RGS6: variants seen among roughly 807,000 people sequenced by gnomAD.
RGS6 encodes regulator of G protein signaling 6.
In RGS6, 30 loss-of-function variants were observed where a neutral mutation model predicts 78.5. The observed-to-expected ratio is 0.38, with a 90% CI of 0.29 to 0.52. RGS6 has a LOEUF of 0.52. Ranked by LOEUF, RGS6 falls within the 20% of genes least tolerant of loss-of-function variation. The pLI, the probability that RGS6 is intolerant of heterozygous loss-of-function variation, is 0.85. For missense variants in RGS6, 495 were observed against 609.7 expected (o/e 0.81, Z 1.98); for synonymous variants, 206 against 206.0 (o/e 1.00, Z 0.00).
intron 2 of RGS6, among the ~76,000 whole-genome samples, chr14:72,162,801 T>TAC (rs751329498): frequency 1.9e-4 from 29 of 152,022 alleles, no homozygotes; most frequent in Admixed American, 9.2e-4. Context: ...CATATATATA[T>TAC]ACACACACAC....
chr14:72,447,024 C>A (rs2095382513), intron 3 of RGS6, among the ~76,000 whole-genome samples: 1 of 152,110 alleles, frequency 6.6e-6, no homozygotes, highest in African/African-American at 2.4e-5. Flanking sequence ...GGCTGAGGAC[C>A]CCTGAGCTAG....
intron 3 of RGS6, among the ~76,000 whole-genome samples, chr14:72,386,710 C>A (rs142620591): frequency 4.6e-5 from 7 of 152,212 alleles, no homozygotes; most frequent in Admixed American, 2.0e-4. Flanking sequence ...TCCACTGCAC[C>A]ATCCTATTAT....
At chr14:71,884,586 G>A in the RGS6 span, among the ~76,000 whole-genome samples, 4 of 152,124 alleles carry the variant, frequency 2.6e-5, no homozygotes, top group Non-Finnish European at 5.9e-5. Context: ...GTCAAGGGTG[G>A]ATTTTATAAC....
At chr14:72,161,412 T>C (rs1042262493) in intron 2 of RGS6, among the ~76,000 whole-genome samples, 4 of 151,408 alleles carry the variant, frequency 2.6e-5, no homozygotes, top group Admixed American at 1.3e-4. Context: ...AAAGAGGAGG[T>C]GATGGTAATA....
intron 2 of RGS6, among the ~76,000 whole-genome samples, chr14:72,001,799 G>A (rs939553193): frequency 3.3e-5 from 5 of 149,952 alleles, no homozygotes; most frequent in Non-Finnish European, 7.4e-5. Context: ...CCTAAGTTAC[G>A]TTTCTCTGGA....
At chr14:72,021,953 C>G (rs1357762248) in intron 2 of RGS6, among the ~76,000 whole-genome samples, 8 of 151,944 alleles carry the variant, frequency 5.3e-5, no homozygotes, top group Non-Finnish European at 8.8e-5. Context: ...AAGTAGACCC[C>G]AGTGTCTGCT....
chr14:72,438,332 C>T (rs2153194265), intron 3 of RGS6, among the ~76,000 whole-genome samples: 1 of 152,240 alleles, frequency 6.6e-6, no homozygotes, highest in Middle Eastern at 3.4e-3. Flanking sequence ...CTCATCCAGC[C>T]TCGCTGCCTG....
At chr14:72,447,369 T>G (rs1288894350) in intron 3 of RGS6, among the ~76,000 whole-genome samples, 7 of 152,116 alleles carry the variant, frequency 4.6e-5, no homozygotes. Context: ...ACCAGACTAG[T>G]AGAGTTGTCC....
At chr14:72,255,313 A>T (rs1284486587) in intron 2 of RGS6, among the ~76,000 whole-genome samples, 3 of 152,084 alleles carry the variant, frequency 2.0e-5, no homozygotes, top group African/African-American at 7.2e-5. Context: ...AAGTGGTGGG[A>T]GTTTAAACTA....
At chr14:72,381,318 A>G (rs1566677895) in intron 3 of RGS6, among the ~76,000 whole-genome samples, 1 of 152,122 alleles carries the variant, frequency 6.6e-6, no homozygotes, top group Non-Finnish European at 1.5e-5. Context: ...CAACACAAAA[A>G]AAGATAAATG....
intron 3 of RGS6, among the ~76,000 whole-genome samples, chr14:72,441,603 T>G (rs2095204878): frequency 6.6e-6 from 1 of 152,254 alleles, no homozygotes; most frequent in African/African-American, 2.4e-5. Context: ...CACAAGCCTT[T>G]GACTTCCTCC....
At chr14:72,120,296 T>A (rs2096014310) in intron 2 of RGS6, among the ~76,000 whole-genome samples, 1 of 152,196 alleles carries the variant, frequency 6.6e-6, no homozygotes, top group Admixed American at 6.5e-5. Context: ...GAAACCTTCT[T>A]TCAAATGACA....
intron 3 of RGS6, among the ~76,000 whole-genome samples, chr14:72,374,140 G>T (rs1464111258): frequency 6.6e-6 from 1 of 152,040 alleles, no homozygotes; most frequent in African/African-American, 2.4e-5. Flanking sequence ...TGCACAACAT[G>T]CAGGTTTGTT....
At chr14:72,445,410 G>A (rs951997222) in intron 3 of RGS6, among the ~76,000 whole-genome samples, 6 of 151,662 alleles carry the variant, frequency 4.0e-5, no homozygotes, top group Non-Finnish European at 5.9e-5. Flanking sequence ...GGCTGGTCTC[G>A]AACTCCTGAC....
Position 71,987,977 on chromosome 14 carries a change from CAT to C in RGS6, c.84+23103_84+23104del, listed in dbSNP as rs1349723653. ...ATCGCACTTCCCTTAGCTTGAGAGACATGTGCCAATCTGCTTGTTGACTCTGC... is the reference window on the plus strand; with the variant it reads ...ATCGCACTTCCCTTAGCTTGAGAGACGTGCCAATCTGCTTGTTGACTCTGC... On this transcript the variant is annotated intron_variant, in intron 2 of 17. Transcript: ENST00000553525. 9.9e-5 allele frequency among the ~76,000 whole-genome samples: 15 copies of C among 152,270 alleles called. 1 individual carries two copies. The South Asian group carries it at 2.1e-3, about 21-fold the overall frequency.
chr14:71,877,095 G>T, the RGS6 span, among the ~76,000 whole-genome samples: 1 of 152,106 alleles, frequency 6.6e-6, no homozygotes, highest in Non-Finnish European at 1.5e-5. Context: ...TTTGTCTCTG[G>T]CTGCTCTTAA....
chr14:72,353,670 A>T (rs1178762740), intron 3 of RGS6, among the ~76,000 whole-genome samples: 1 of 151,894 alleles, frequency 6.6e-6, no homozygotes, highest in Non-Finnish European at 1.5e-5. Context: ...TGGTAACATG[A>T]CTCTATACAT....
intron 2 of RGS6, among the ~76,000 whole-genome samples, chr14:71,968,127 T>G (rs191548887): frequency 4.1e-4 from 62 of 152,316 alleles, no homozygotes; most frequent in Non-Finnish European, 6.8e-4. Context: ...CCTGTTAACC[T>G]TTTTTATATT....
intron 7 of RGS6, among the ~76,000 whole-genome samples, chr14:72,469,207 CTTT>C (rs11300461): frequency 4.3e-5 from 6 of 139,456 alleles, no homozygotes; most frequent in Non-Finnish European, 7.8e-5. Context: ...GTTTGGGGCA[CTTT>C]TTTTTTTTTT....
Sources: allele counts gnomAD v4.1 joint callset (sites outside exome capture counted in the v4.1 genomes callset), GRCh38; gene constraint gnomAD v4.1.1; transcripts MANE v1.5; gene names NCBI Gene and HGNC (gene_info 2026-07-23, HGNC 2026-07-21).